PID1: variants seen among roughly 807,000 people sequenced by gnomAD.
PID1 encodes phosphotyrosine interaction domain containing 1.
In PID1, 10 loss-of-function variants were observed where a neutral mutation model predicts 19.1. The ratio of observed to expected loss-of-function variants is 0.52; its 90% CI spans 0.32 to 0.89. The LOEUF is 0.89. Ranked by LOEUF, PID1 falls within the 40% of genes least tolerant of loss-of-function variation. PID1 has a pLI of 0.03. For synonymous variants in PID1, 130 were observed against 116.0 expected, an observed-to-expected ratio of 1.12 and a Z score of -0.78; for missense variants, 248 against 285.3, an observed-to-expected ratio of 0.87 and a Z score of 0.94.
chr2:229,195,145 T>C (rs867967957), intron 1 of PID1, among the ~76,000 whole-genome samples: 7 of 151,786 alleles, frequency 4.6e-5, no homozygotes, highest in Middle Eastern at 3.2e-3. Flanking sequence ...ATATATTGTA[T>C]TTTGCTTTAA....
At chr2:229,108,139 C>A (rs1228021659) in intron 2 of PID1, among the ~76,000 whole-genome samples, 1 of 152,168 alleles carries the variant, frequency 6.6e-6, no homozygotes. Flanking sequence ...GTGTTTCACT[C>A]CATTTATTGA....
intron 2 of PID1, among the ~76,000 whole-genome samples, chr2:229,106,120 A>G (rs192631611): frequency 0.011 from 1,663 of 151,864 alleles, 19 homozygotes; most frequent in Middle Eastern, 0.051. Context: ...AGAAATAAAC[A>G]GAGGCCAATT....
intron 2 of PID1, among the ~76,000 whole-genome samples, chr2:229,030,682 AGAC>A (rs1693528445): frequency 6.6e-6 from 1 of 152,218 alleles, no homozygotes. Context: ...TGAAAGTTGT[AGAC>A]GATTCACTCC....
At chr2:229,243,377 A>G (rs1445829510) in intron 1 of PID1, among the ~76,000 whole-genome samples, 1 of 152,108 alleles carries the variant, frequency 6.6e-6, no homozygotes, top group East Asian at 1.9e-4. Context: ...AACAGGTTAC[A>G]TCGTCTTCTT....
chr2:229,079,492 A>C (rs1162161284), intron 2 of PID1, among the ~76,000 whole-genome samples: 1 of 152,202 alleles, frequency 6.6e-6, no homozygotes, highest in Non-Finnish European at 1.5e-5. Flanking sequence ...CTGCTATACT[A>C]TCTGTCTTTC....
At chr2:229,129,991 C>A (rs1003990002) in intron 2 of PID1, among the ~76,000 whole-genome samples, 2 of 152,162 alleles carry the variant, frequency 1.3e-5, no homozygotes, top group African/African-American at 4.8e-5. Context: ...GAAACTGAAA[C>A]GGTCACACCA....
chr2:229,248,831 T>C (rs916737348), intron 1 of PID1, among the ~76,000 whole-genome samples: 7 of 152,206 alleles, frequency 4.6e-5, no homozygotes, highest in African/African-American at 1.7e-4. Flanking sequence ...ATTTGTCCAA[T>C]GAAAGCCAAG....
intron 1 of PID1, among the ~76,000 whole-genome samples, chr2:229,193,455 T>C (rs535082262): frequency 6.6e-6 from 1 of 152,278 alleles, no homozygotes; most frequent in African/African-American, 2.4e-5. Flanking sequence ...GTTAGTCGTG[T>C]CACTAAAGCC....
chr2:229,124,359 C>G (rs575232090), intron 2 of PID1, among the ~76,000 whole-genome samples: 1 of 152,038 alleles, frequency 6.6e-6, no homozygotes, highest in African/African-American at 2.4e-5. Flanking sequence ...TCCAACTTCT[C>G]CAAGGCAACT....
intron 1 of PID1, among the ~76,000 whole-genome samples, chr2:229,270,239 C>T (rs2106298808): frequency 6.6e-6 from 1 of 152,318 alleles, no homozygotes; most frequent in East Asian, 1.9e-4. Flanking sequence ...CAATATTTGC[C>T]AGCAAAAGGC....
intron 2 of PID1, among the ~76,000 whole-genome samples, chr2:229,153,318 C>T (rs1023307414): frequency 9.9e-5 from 15 of 152,142 alleles, no homozygotes; most frequent in South Asian, 4.1e-4. Flanking sequence ...AGAATAATAA[C>T]GCTGGAAAAG....
chr2:229,098,586 TG>T (rs202198978), intron 2 of PID1, among the ~76,000 whole-genome samples: 1 of 152,178 alleles, frequency 6.6e-6, no homozygotes, highest in African/African-American at 2.4e-5. Context: ...TTCCTGGGGC[TG>T]GGGGGGAAGA....
intron 2 of PID1, among the ~76,000 whole-genome samples, chr2:229,100,135 AG>A (rs1311025505): frequency 6.6e-6 from 1 of 152,204 alleles, no homozygotes; most frequent in Non-Finnish European, 1.5e-5. Context: ...TGGACCTGCC[AG>A]CACCTTGATC....
chr2:229,163,629 GAGAC>G (rs763521419), intron 1 of PID1, among the ~76,000 whole-genome samples: 10 of 145,046 alleles, frequency 6.9e-5, no homozygotes, highest in Non-Finnish European at 1.4e-4. Flanking sequence ...AGTGGGGAGA[GAGAC>G]AGAGGGAGAG....
intron 1 of PID1, among the ~76,000 whole-genome samples, chr2:229,208,179 A>T (rs1297101125): frequency 6.6e-6 from 1 of 152,112 alleles, no homozygotes; most frequent in East Asian, 1.9e-4. Context: ...TTGCCTCCAG[A>T]TCCTAGCTTT....
intron 2 of PID1, among the ~76,000 whole-genome samples, chr2:229,071,464 T>C (rs1437523780): frequency 1.3e-5 from 2 of 152,248 alleles, no homozygotes; most frequent in Non-Finnish European, 2.9e-5. Context: ...GCACGCATTA[T>C]GTCATTTCAT....
chr2:229,232,426 C>A (rs1692229691), intron 1 of PID1, among the ~76,000 whole-genome samples: 1 of 61,944 alleles, frequency 1.6e-5, no homozygotes, highest in Non-Finnish European at 2.7e-5. Context: ...AGCAAGACTC[C>A]ATCTCAAAAA....
intron 1 of PID1, among the ~76,000 whole-genome samples, chr2:229,209,067 G>C (rs781155220): frequency 6.6e-6 from 1 of 152,146 alleles, no homozygotes; most frequent in Admixed American, 6.5e-5. Context: ...AAAAAAGGGG[G>C]ATTAACACTG....
At chr2:229,061,306 T>C (rs1205937139) in intron 2 of PID1, among the ~76,000 whole-genome samples, 5 of 152,100 alleles carry the variant, frequency 3.3e-5, no homozygotes, top group African/African-American at 1.2e-4. Flanking sequence ...AGGGTCCAAT[T>C]TCATTCTTCT....
Sources: allele counts gnomAD v4.1 joint callset (sites outside exome capture counted in the v4.1 genomes callset), GRCh38; gene constraint gnomAD v4.1.1; transcripts MANE v1.5; gene names NCBI Gene and HGNC (gene_info 2026-07-23, HGNC 2026-07-21).